The following F11R variants were observed in gnomAD, a reference collection of about 807,000 sequenced individuals.
F11R encodes the protein F11 receptor.
F11R carries 27 observed loss-of-function variants against 39.3 expected under a neutral mutation model. That is an observed-to-expected ratio of 0.69 (90% confidence interval 0.51 to 0.95). The LOEUF is 0.95. F11R is among the 40% of genes least tolerant of loss of function. The probability of loss-of-function intolerance (pLI) is 0.00; values close to 1 mark genes in which losing one functional copy is unlikely to be tolerated. For synonymous variants in F11R, 131 were observed against 144.9 expected (o/e 0.90, Z 0.69); for missense variants, 335 against 372.7 (o/e 0.90, Z 0.83).
chr1:160,998,776 A>G lies in F11R; in HGVS notation c.*95T>C, dbSNP rs896472476. On this transcript the variant is annotated 3_prime_UTR_variant, in exon 10 of 10. Transcript: ENST00000368026. ...GGGCCCTGTGGGGTGTAGAAGACAAATAAGGCATCCTGTGAAACTACAGAC... is the reference window on the plus strand; with the variant it reads ...GGGCCCTGTGGGGTGTAGAAGACAAGTAAGGCATCCTGTGAAACTACAGAC... 4.4e-5 allele frequency: 56 copies of G among 1,282,288 alleles called. No individual in the cohort carries two copies. The highest frequency in any genetic ancestry group is 5.8e-5 in the Non-Finnish European group (51 of 882,556). The allele number at this position is 1,282,288 out of a possible 1,614,324, so 79.4% of individuals were successfully genotyped here.
At chr1:161,012,905 G>A (rs1276916551) in intron 1 of F11R, among the ~76,000 whole-genome samples, 4 of 152,140 alleles carry the variant, frequency 2.6e-5, no homozygotes, top group South Asian at 4.1e-4. Flanking sequence ...GATTATAGGC[G>A]TAAGCCACTG....
intron 1 of F11R, among the ~76,000 whole-genome samples, chr1:161,020,401 C>T (rs538193456): frequency 4.5e-4 from 69 of 152,184 alleles, no homozygotes; most frequent in Non-Finnish European, 6.5e-4. Flanking sequence ...CTCTGCTGCG[C>T]TTAGAGAAAT....
At chr1:161,020,818 A>T (rs949532158) in intron 1 of F11R, among the ~76,000 whole-genome samples, 192 bp downstream of exon 1, 1 of 151,918 alleles carries the variant, frequency 6.6e-6, no homozygotes, top group African/African-American at 2.4e-5. Flanking sequence ...AGTGTGGGGG[A>T]GGGGAGCCAG....
chr1:161,004,032 G>A (rs1226857572), intron 1 of F11R, among the ~76,000 whole-genome samples: 1 of 152,074 alleles, frequency 6.6e-6, no homozygotes, highest in African/African-American at 2.4e-5. Context: ...CCAAAATGCT[G>A]GGATTACAAG....
intron 1 of F11R, among the ~76,000 whole-genome samples, chr1:161,003,388 G>T (rs1321728749): frequency 6.6e-6 from 1 of 152,038 alleles, no homozygotes; most frequent in Non-Finnish European, 1.5e-5. Flanking sequence ...CTCCCAAAGT[G>T]CTGGGATTAC....
rs1648474285 is a variant in F11R, at chr1:161,001,288, T to C, written c.130A>G (p.Asn44Asp). 1.2e-6 allele frequency: 2 copies of C among 1,614,024 alleles called. No individual in the cohort carries two copies. The highest frequency in any genetic ancestry group is 1.7e-4 in the Middle Eastern group (1 of 5,996). ...TCCATGGCCCCTCCCAACTCACGAT[T>C]ATTCTCAGGAATTCTGACTTCAGGT... Reference protein sequence around the residue: ...SEPEVRIPENNPVKLSCAYSG... With the variant: ...SEPEVRIPENDPVKLSCAYSG... Residue 44 changes from asparagine to aspartate, a missense_variant, in exon 2 of 10, where the codon AAT becomes GAT. Asn to Asp is a conservative substitution (Grantham distance 23, BLOSUM62 1). Coordinates refer to ENST00000368026, the MANE Select transcript of F11R (RefSeq NM_016946.6).
chr1:161,003,560 G>A (rs537423874), intron 1 of F11R, among the ~76,000 whole-genome samples: 162 of 152,072 alleles, frequency 1.1e-3, no homozygotes, highest in African/African-American at 3.6e-3. Context: ...ACGGCGACCG[G>A]CCTAATTTTC....
rs552726113 is a variant in F11R, at chr1:160,995,305, C to G, written c.*3566G>C. Reference sequence around the variant, plus strand: ...CAGGCCCCAAGAAACATACTGTCCCCTCATTTAGAAACAGACTAACTCCGT... The same window carrying G: ...CAGGCCCCAAGAAACATACTGTCCCGTCATTTAGAAACAGACTAACTCCGT... On this transcript the variant is annotated 3_prime_UTR_variant, in exon 10 of 10. Transcript: ENST00000368026. The G allele has an allele frequency of 3.3e-5, 5 of 152,252 alleles. No homozygotes were observed. Among genetic ancestry groups the G allele is most frequent in the Non-Finnish European group, 7.4e-5 (5 of 68,020 alleles). The allele number at this position is 152,252 out of a possible 1,614,324, so 9.4% of individuals were successfully genotyped here.
intron 1 of F11R, among the ~76,000 whole-genome samples, chr1:161,004,942 C>T (rs971728313): frequency 1.3e-5 from 2 of 151,860 alleles, no homozygotes; most frequent in Non-Finnish European, 2.9e-5. Context: ...GGGGAGACTG[C>T]TTGAGGGCAG....
intron 1 of F11R, among the ~76,000 whole-genome samples, chr1:161,015,175 T>C (rs533855920): frequency 6.6e-6 from 1 of 151,484 alleles, no homozygotes; most frequent in Admixed American, 6.6e-5. Context: ...GGCAGGCAGA[T>C]CACGAGGTCA....
chr1:161,011,096 G>A (rs565295440), intron 1 of F11R, among the ~76,000 whole-genome samples: 4 of 151,698 alleles, frequency 2.6e-5, no homozygotes, highest in South Asian at 4.2e-4. Context: ...GCAGTGGCGC[G>A]ATTGTGGCTC....
intron 1 of F11R, among the ~76,000 whole-genome samples, chr1:161,019,510 G>A (rs774256950): frequency 7.3e-5 from 11 of 150,660 alleles, no homozygotes; most frequent in Non-Finnish European, 1.0e-4. Flanking sequence ...CAGGAGAATC[G>A]CTTAAACCCG....
At chr1:161,004,512 A>G (rs573633562) in intron 1 of F11R, among the ~76,000 whole-genome samples, 113 of 151,926 alleles carry the variant, frequency 7.4e-4, no homozygotes, top group Middle Eastern at 6.8e-3. Context: ...GTGACACTAC[A>G]TTCCAGCTTG....
chr1:161,002,318 A>T (rs1157350202), intron 1 of F11R, among the ~76,000 whole-genome samples: 2 of 151,886 alleles, frequency 1.3e-5, no homozygotes, highest in Non-Finnish European at 2.9e-5. Flanking sequence ...TTTGCACTAG[A>T]AGTGGGTTCA....
intron 3 of F11R, 120 bp from the exon 4 acceptor site, chr1:161,000,897 G>C: frequency 6.8e-7 from 1 of 1,480,980 alleles, no homozygotes; most frequent in South Asian, 1.2e-5. Flanking sequence ...GGGGTAGGAA[G>C]GCCATGAGGA....
intron 1 of F11R, among the ~76,000 whole-genome samples, chr1:161,007,222 T>C (rs890523510): frequency 6.6e-5 from 10 of 150,726 alleles, no homozygotes; most frequent in African/African-American, 2.5e-4. Context: ...TCCCAGCACT[T>C]TGGGAGGCCA....
chr1:161,015,756 CAGAA>C (rs1649432001), intron 1 of F11R, among the ~76,000 whole-genome samples: 2 of 151,266 alleles, frequency 1.3e-5, no homozygotes, highest in African/African-American at 4.9e-5. Flanking sequence ...CTTTTTGTGT[CAGAA>C]AGGGGAGAAA....
rs535890625 is a variant in F11R at position 161,009,486 on chromosome 1, A to G, written c.65-8133T>C. Among the ~76,000 whole-genome samples, 13 of 152,172 alleles carry G rather than the reference A, an allele frequency of 8.5e-5. No individual in the cohort carries two copies. In the East Asian group the frequency reaches 2.5e-3, roughly 29 times the overall value. On this transcript the variant is annotated intron_variant, in intron 1 of 9. Coordinates refer to ENST00000368026, the MANE Select transcript of F11R (RefSeq NM_016946.6). ...AAAAAAAAAAAAATTAATCAGCTGC[A>G]GTCATGCACGCCCATGAACGCCTAT...
intron 1 of F11R, among the ~76,000 whole-genome samples, chr1:161,014,913 CAAAAAA>C (rs374593671): frequency 3.7e-5 from 5 of 134,676 alleles, no homozygotes; most frequent in Non-Finnish European, 7.8e-5. Context: ...ACTAAAAATA[CAAAAAA>C]AAAAAAAAAT....
Sources: allele counts gnomAD v4.1 joint callset (sites outside exome capture counted in the v4.1 genomes callset), GRCh38; gene constraint gnomAD v4.1.1; transcripts MANE v1.5; gene names NCBI Gene and HGNC (gene_info 2026-07-23, HGNC 2026-07-21).